SUPT16H: variants seen among roughly 807,000 people sequenced by gnomAD.
SUPT16H encodes FACT complex subunit SPT16.
Under a neutral mutation model 136.2 loss-of-function variants are expected in SUPT16H, and 24 were observed. The observed-to-expected ratio is 0.18, with a 90% CI of 0.13 to 0.25. The LOEUF (loss-of-function observed/expected upper bound fraction) is 0.25. Ranked by LOEUF, SUPT16H falls within the 10% of genes least tolerant of loss-of-function variation. The probability of loss-of-function intolerance (pLI) is 1.00; values close to 1 mark genes in which losing one functional copy is unlikely to be tolerated. For synonymous variants in SUPT16H, 415 were observed against 428.2 expected, an observed-to-expected ratio of 0.97 and a Z score of 0.38; for missense variants, 623 against 1,270.2, an observed-to-expected ratio of 0.49 and a Z score of 7.74.
In SUPT16H at chr14:21,374,167, T is replaced by C. The variant is rs574640415; in HGVS notation, c.67-737A>G. On this transcript the variant is annotated intron_variant, in intron 1 of 25. Coordinates refer to ENST00000216297, the MANE Select transcript of SUPT16H (RefSeq NM_007192.4). ...TTTGGTTCAGCCACAGAAATTTTAA[T>C]AGAGAGATGTAACCCCAGGGCAAAA... Among the ~76,000 whole-genome samples, 10 of 152,362 alleles carry C rather than the reference T, an allele frequency of 6.6e-5. No homozygotes were observed. The South Asian group carries it at 2.1e-3, about 32-fold the overall frequency.
In SUPT16H at chr14:21,352,640, G is replaced by T. The variant is rs368045675; in HGVS notation, c.*33C>A. On this transcript the variant is annotated 3_prime_UTR_variant, in exon 26 of 26. Coordinates refer to ENST00000216297, the MANE Select transcript of SUPT16H (RefSeq NM_007192.4). ...GTAAAATTTTCAGGGGTTGGCTGGA[G>T]GAAGAATGGAGCTCAGGGCCAAAGT... 8.7e-6 allele frequency: 14 copies of T among 1,612,014 alleles called. No individual in the cohort carries two copies. The highest frequency in any genetic ancestry group is 1.2e-5 in the Non-Finnish European group (14 of 1,179,524).
Position 21,363,418 on chromosome 14 carries a change from C to T in SUPT16H, c.1299+20G>A, listed in dbSNP as rs1167615550. 3 of 1,612,550 alleles carry T rather than the reference C, an allele frequency of 1.9e-6. No individual in the cohort carries two copies. Among genetic ancestry groups the T allele is most frequent in the Non-Finnish European group, 8.5e-7 (1 of 1,178,910 alleles). ...TTTATATCCTAAACTTCCTATACTA[C>T]TTATCTATCTTCTTCCTACCTTTAG... On this transcript the variant is annotated intron_variant, in intron 11 of 25. Transcript: ENST00000216297.
Position 21,361,311 on chromosome 14 carries a change from CTTTTTT to C in SUPT16H, c.1794-104_1794-99del, listed in dbSNP as rs35486887. On this transcript the variant is annotated intron_variant, in intron 15 of 25. Transcript: ENST00000216297. ...TCTAAGCAGCTTAATCTCTACTTTG[CTTTTTT>C]TTTTTTTTTTTTTTTTTGAGACAGG... 6.9e-3 allele frequency: 3,172 copies of C among 460,924 alleles called. 2 individuals carry two copies. The highest frequency in any genetic ancestry group is 0.029 in the African/African-American group (879 of 30,144). 28.6% of individuals were successfully genotyped at this position (460,924 alleles called of 1,614,324 possible). A position where few individuals can be genotyped will look rare whatever the true frequency, so the allele number is the denominator to read the frequency against.
At chr14:21,378,168 G>T (rs896667625) in intron 1 of SUPT16H, among the ~76,000 whole-genome samples, 1 of 151,664 alleles carries the variant, frequency 6.6e-6, no homozygotes, top group Non-Finnish European at 1.5e-5. Context: ...AGGATAATGT[G>T]GGGGGTGGAA....
chr14:21,361,563 T>C (rs1886557380), intron 15 of SUPT16H, among the ~76,000 whole-genome samples: 1 of 152,040 alleles, frequency 6.6e-6, no homozygotes, highest in African/African-American at 2.4e-5. Context: ...GTAATCTGCC[T>C]GCCTCTGCCT....
At position 21,362,780 on chromosome 14, in the gene SUPT16H, CTGAA is replaced by C. The variant is rs1886584754; in HGVS notation, c.1665+10_1665+13del. ...AACAGTTTGGATGAAACCTGATGCA[CTGAA>C]TGTCAGTACCTTGATTGTGGCAATG... On this transcript the variant is annotated intron_variant, in intron 14 of 25. Transcript: ENST00000216297. 6.3e-7 allele frequency: 1 copy of C among 1,589,784 alleles called. No individual in the cohort carries two copies. Among genetic ancestry groups the C allele is most frequent in the Non-Finnish European group, 8.5e-7 (1 of 1,172,752 alleles).
chr14:21,382,236 T>C (rs186280538), intron 1 of SUPT16H, among the ~76,000 whole-genome samples: 9 of 152,214 alleles, frequency 5.9e-5, no homozygotes, highest in Non-Finnish European at 1.2e-4. Flanking sequence ...TTACATAGAT[T>C]TGGCTCATAA....
At chr14:21,370,303 C>G in intron 4 of SUPT16H, 33 bp downstream of exon 4, 2 of 1,602,782 alleles carry the variant, frequency 1.2e-6, no homozygotes, top group Non-Finnish European at 1.7e-6. Flanking sequence ...GTCTTCTCAA[C>G]TCTTGATTTG....
chr14:21,370,581 CG>C lies in SUPT16H; in HGVS notation c.331-94del, dbSNP rs2139411768. ...ACAGGTAGAATAATATTCTAAACTA[CG>C]GAAAAAATTAATTCTCCTCCCATCC... On this transcript the variant is annotated intron_variant, in intron 3 of 25. Coordinates refer to ENST00000216297, the MANE Select transcript of SUPT16H (RefSeq NM_007192.4). The C allele has an allele frequency of 2.2e-6, 3 of 1,386,256 alleles. No individual in the cohort carries two copies. The East Asian group carries it at 6.9e-5, about 32-fold the overall frequency. The allele number at this position is 1,386,256 out of a possible 1,614,324, so 85.9% of individuals were successfully genotyped here.
At chr14:21,360,306 G>T in intron 18 of SUPT16H, 109 bp downstream of exon 18, 1 of 835,362 alleles carries the variant, frequency 1.2e-6, no homozygotes, top group Non-Finnish European at 1.9e-6. Context: ...GGGATTGTGG[G>T]CATGAGCCAC....
intron 2 of SUPT16H, chr14:21,372,556 T>C (rs1886809526): frequency 2.9e-6 from 1 of 347,502 alleles, no homozygotes; most frequent in Non-Finnish European, 5.5e-6. Context: ...GCAAGTCTTC[T>C]TAAAAAGAAA....
chr14:21,354,283 T>C, intron 23 of SUPT16H, 128 bp downstream of exon 23: 2 of 1,057,822 alleles, frequency 1.9e-6, no homozygotes, highest in African/African-American at 1.6e-5. Context: ...GAAACAATAA[T>C]ATCAAGTGGT....
chr14:21,360,977 G>C lies in SUPT16H; in HGVS notation c.1930-5C>G. ...TGAGTCTTGTTTTACAATCCCCTAA[G>C]CAAGAAGAAAATTAATGTGAATTGT... On this transcript the variant is annotated splice_region_variant and splice_polypyrimidine_tract_variant and intron_variant, in intron 16 of 25. Coordinates refer to ENST00000216297, the MANE Select transcript of SUPT16H (RefSeq NM_007192.4). The C allele has an allele frequency of 6.2e-7, 1 of 1,612,524 alleles. No homozygotes were observed. The highest frequency in any genetic ancestry group is 8.5e-7 in the Non-Finnish European group (1 of 1,179,362).
chr14:21,361,020 C>T, intron 16 of SUPT16H, 48 bp from the exon 17 acceptor site: 1 of 1,609,950 alleles, frequency 6.2e-7, no homozygotes, highest in South Asian at 1.1e-5. Flanking sequence ...CCTTACAAGT[C>T]TCCAAAAAAT....
rs564116741 is a variant in SUPT16H, at chr14:21,352,139, T to C, written c.*534A>G. 3.2e-5 allele frequency: 5 copies of C among 157,388 alleles called. No individual in the cohort carries two copies. The highest frequency in any genetic ancestry group is 7.1e-5 in the Non-Finnish European group (5 of 70,482). The allele number at this position is 157,388 out of a possible 1,614,324, so 9.7% of individuals were successfully genotyped here. A position where few individuals can be genotyped will look rare whatever the true frequency, so the allele number is the denominator to read the frequency against. On this transcript the variant is annotated 3_prime_UTR_variant, in exon 26 of 26. Coordinates refer to ENST00000216297, the MANE Select transcript of SUPT16H (RefSeq NM_007192.4). ...AACTCAGACGAAGGCACCAGCCCAA[T>C]CTGCCTCACTGGCTCAAGCTGTATG...
At chr14:21,361,268 T>A in intron 15 of SUPT16H, 55 bp from the exon 16 acceptor site, 1 of 1,581,218 alleles carries the variant, frequency 6.3e-7, no homozygotes, top group South Asian at 1.1e-5. Flanking sequence ...AGGGAAATTG[T>A]ACTGATTTAC....
intron 21 of SUPT16H, among the ~76,000 whole-genome samples, chr14:21,357,628 A>G (rs1030913617): frequency 6.6e-6 from 1 of 152,054 alleles, no homozygotes; most frequent in Non-Finnish European, 1.5e-5. Flanking sequence ...TTAAAAAGAC[A>G]TTATCTTAAA....
intron 1 of SUPT16H, among the ~76,000 whole-genome samples, chr14:21,376,557 G>A (rs952685845): frequency 6.6e-6 from 1 of 152,084 alleles, no homozygotes; most frequent in African/African-American, 2.4e-5. Flanking sequence ...TTGATTTTCA[G>A]TAAGAAATGT....
At chr14:21,364,613 G>A (rs1322439691) in intron 10 of SUPT16H, among the ~76,000 whole-genome samples, 1 of 152,096 alleles carries the variant, frequency 6.6e-6, no homozygotes, top group Non-Finnish European at 1.5e-5. Flanking sequence ...TCATTATCAA[G>A]GTTCAAGCCA....
Sources: allele counts gnomAD v4.1 joint callset (sites outside exome capture counted in the v4.1 genomes callset), GRCh38; gene constraint gnomAD v4.1.1; transcripts MANE v1.5; gene names NCBI Gene and HGNC (gene_info 2026-07-23, HGNC 2026-07-21).